The following CPNE4 variants were observed in gnomAD, a reference collection of about 807,000 sequenced individuals.
CPNE4 encodes copine 4.
A neutral mutation model predicts 67.9 loss-of-function variants in CPNE4; 25 were observed. That is an observed-to-expected ratio of 0.37 (90% CI 0.27 to 0.51). The LOEUF (loss-of-function observed/expected upper bound fraction) is 0.51, where lower values mean the gene tolerates loss of function less well. CPNE4 is among the 20% of genes least tolerant of loss of function. The pLI is 0.93. For synonymous variants in CPNE4, 242 were observed against 244.9 expected (o/e 0.99, Z 0.11); for missense variants, 464 against 690.8 (o/e 0.67, Z 3.68).
intron 7 of CPNE4, among the ~76,000 whole-genome samples, chr3:131,666,573 A>G (rs1422141141): frequency 6.6e-6 from 1 of 152,230 alleles, no homozygotes; most frequent in Non-Finnish European, 1.5e-5. Context: ...TTATTGGCCA[A>G]ATATGGGACA....
chr3:131,639,239 G>T (rs186107720), intron 7 of CPNE4, among the ~76,000 whole-genome samples: 1 of 152,012 alleles, frequency 6.6e-6, no homozygotes, highest in Non-Finnish European at 1.5e-5. Flanking sequence ...TCTTTGAAAA[G>T]ATAAATAAAA....
At chr3:131,749,007 A>T (rs1345102871) in intron 2 of CPNE4, among the ~76,000 whole-genome samples, 2 of 148,682 alleles carry the variant, frequency 1.3e-5, no homozygotes, top group East Asian at 2.0e-4. Flanking sequence ...CTTGCTTTTG[A>T]TTTACTTTGA....
chr3:131,961,768 G>C (rs937031920), intron 1 of CPNE4, among the ~76,000 whole-genome samples: 2 of 152,132 alleles, frequency 1.3e-5, no homozygotes, highest in African/African-American at 4.8e-5. Context: ...CTTAAAGACA[G>C]ACTAGCAGGT....
chr3:131,687,697 A>G (rs2080927529), intron 5 of CPNE4, among the ~76,000 whole-genome samples: 1 of 152,248 alleles, frequency 6.6e-6, no homozygotes, highest in Admixed American at 6.5e-5. Flanking sequence ...AAATATTTGT[A>G]GGACATATAC....
At chr3:132,027,508 G>A (rs1483912194) in intron 1 of CPNE4, among the ~76,000 whole-genome samples, 3 of 83,862 alleles carry the variant, frequency 3.6e-5, no homozygotes, top group East Asian at 2.2e-4. Context: ...TCCTCTTATC[G>A]TGCCTTTTCT....
intron 2 of CPNE4, among the ~76,000 whole-genome samples, chr3:131,889,713 A>T (rs2088028575): frequency 6.6e-6 from 1 of 152,174 alleles, no homozygotes; most frequent in South Asian, 2.1e-4. Flanking sequence ...TGTAATGTCA[A>T]CCAATGGCAA....
At chr3:131,753,943 A>G (rs569290023) in intron 2 of CPNE4, among the ~76,000 whole-genome samples, 86 of 152,256 alleles carry the variant, frequency 5.6e-4, no homozygotes, top group South Asian at 1.2e-3. Context: ...TACCCCTTAG[A>G]AATAAAACCA....
intron 2 of CPNE4, among the ~76,000 whole-genome samples, chr3:131,765,659 G>A (rs1489009977): frequency 6.6e-6 from 1 of 152,008 alleles, no homozygotes; most frequent in African/African-American, 2.4e-5. Flanking sequence ...TTTTCTGGTG[G>A]TCTTTGAGAG....
At chr3:131,861,694 A>G (rs1170355013) in intron 2 of CPNE4, among the ~76,000 whole-genome samples, 1 of 152,176 alleles carries the variant, frequency 6.6e-6, no homozygotes, top group Admixed American at 6.5e-5. Flanking sequence ...CGGCCTCACA[A>G]AGTGCTGGGA....
intron 2 of CPNE4, among the ~76,000 whole-genome samples, chr3:131,820,066 T>C (rs1365678422): frequency 6.6e-6 from 1 of 152,198 alleles, no homozygotes; most frequent in African/African-American, 2.4e-5. Context: ...CCTCATTTGT[T>C]ACAATGGGAA....
At chr3:131,875,800 G>A (rs997654571) in intron 2 of CPNE4, among the ~76,000 whole-genome samples, 2 of 151,358 alleles carry the variant, frequency 1.3e-5, no homozygotes, top group Non-Finnish European at 2.9e-5. Flanking sequence ...AAACCTGCAT[G>A]TTGTGCACAT....
At chr3:131,961,179 A>T (rs990770443) in intron 1 of CPNE4, among the ~76,000 whole-genome samples, 9 of 152,230 alleles carry the variant, frequency 5.9e-5, no homozygotes, top group Non-Finnish European at 1.0e-4. Context: ...AAAGAAGAAG[A>T]AACAGAAAAC....
At chr3:131,699,877 G>GCT in intron 4 of CPNE4, 32 bp downstream of exon 4, 1 of 1,591,790 alleles carries the variant, frequency 6.3e-7, no homozygotes, top group South Asian at 1.1e-5. Flanking sequence ...TCTCCACTCA[G>GCT]GCAGACAGCT....
At chr3:131,817,653 G>A (rs1025376173) in intron 2 of CPNE4, among the ~76,000 whole-genome samples, 23 of 152,170 alleles carry the variant, frequency 1.5e-4, no homozygotes, top group African/African-American at 4.8e-4. Context: ...AGTGGCAAAG[G>A]CCAGCAAGGG....
chr3:131,676,515 T>C (rs572296371), intron 6 of CPNE4, among the ~76,000 whole-genome samples: 84 of 152,282 alleles, frequency 5.5e-4, no homozygotes, highest in Non-Finnish European at 1.0e-3. Flanking sequence ...TTATTTTTCC[T>C]ACTTCTCTCC....
In CPNE4 at chr3:131,636,080, C is replaced by CAAAAAAAAAA. The variant is rs749734624; in HGVS notation, c.681+33585_681+33594dup. Among the ~76,000 whole-genome samples the CAAAAAAAAAA allele has an allele frequency of 7.6e-5, 4 of 52,862 alleles. No homozygotes were observed. In the African/African-American group the frequency reaches 9.4e-4, roughly 12 times the overall value. 34.7% of individuals were successfully genotyped at this position (52,862 alleles called of 152,430 possible). A position where few individuals can be genotyped will look rare whatever the true frequency, so the allele number is the denominator to read the frequency against. ...TGGGCGACAGAGCGAGACTCCGTCT[C>CAAAAAAAAAA]AAAAAAAAAAAAAAAGAACTACTGC... On this transcript the variant is annotated intron_variant, in intron 7 of 15. Transcript: ENST00000429747.
At chr3:131,704,370 G>A (rs1052650532) in intron 3 of CPNE4, among the ~76,000 whole-genome samples, 3 of 152,136 alleles carry the variant, frequency 2.0e-5, no homozygotes, top group African/African-American at 7.2e-5. Context: ...GATGGTCTTT[G>A]GTACATAAAT....
chr3:131,717,303 G>A (rs952548113), intron 3 of CPNE4, among the ~76,000 whole-genome samples: 3 of 150,962 alleles, frequency 2.0e-5, no homozygotes, highest in East Asian at 3.9e-4. Context: ...GGAAAGAGAT[G>A]TCCTTACATA....
At chr3:131,848,372 T>C (rs1177032903) in intron 2 of CPNE4, among the ~76,000 whole-genome samples, 1 of 152,188 alleles carries the variant, frequency 6.6e-6, no homozygotes, top group Non-Finnish European at 1.5e-5. Flanking sequence ...CTTTTCTCCC[T>C]ACTTTATCTC....
Sources: gnomAD v4.1 joint callset for allele counts (sites outside exome capture counted in the v4.1 genomes callset) on GRCh38, gnomAD v4.1.1 for gene constraint, MANE v1.5 for transcripts, NCBI Gene and HGNC (gene_info 2026-07-23, HGNC 2026-07-21) for gene names.